FANCC: variants seen among roughly 807,000 people sequenced by gnomAD.
The protein encoded by FANCC is FA complementation group C, also known as Fanconi anemia group C protein.
In FANCC, 55 loss-of-function variants were observed where a neutral mutation model predicts 71.3. The ratio of observed to expected loss-of-function variants is 0.77; its 90% CI spans 0.62 to 0.97. The LOEUF is 0.97. Ranked by LOEUF, FANCC falls within the 50% of genes least tolerant of loss-of-function variation. The probability of loss-of-function intolerance (pLI) is 0.00; values close to 1 mark genes in which losing one functional copy is unlikely to be tolerated. For synonymous variants in FANCC, 275 were observed against 244.9 expected, an observed-to-expected ratio of 1.12 and a Z score of -1.15; for missense variants, 678 against 670.9, an observed-to-expected ratio of 1.01 and a Z score of -0.12.
intron 1 of FANCC, among the ~76,000 whole-genome samples, chr9:95,257,561 T>C (rs1171516201): frequency 1.3e-5 from 2 of 152,208 alleles, no homozygotes; most frequent in African/African-American, 2.4e-5. Context: ...TAGCACTAAA[T>C]GCCCACAAGA....
rs2071012739 is a variant in FANCC, at chr9:95,099,564, G to A, written c.*2143C>T. 2 of 231,034 alleles carry A rather than the reference G, an allele frequency of 8.7e-6. No homozygotes were observed. Among genetic ancestry groups the A allele is most frequent in the South Asian group, 3.7e-4 (2 of 5,456 alleles). The allele number at this position is 231,034 out of a possible 1,614,324, so 14.3% of individuals were successfully genotyped here. On this transcript the variant is annotated 3_prime_UTR_variant, in exon 15 of 15. Coordinates refer to ENST00000289081, the MANE Select transcript of FANCC (RefSeq NM_000136.3). Reference sequence around the variant, plus strand: ...TGCCCGGCCGCCACCTGTCTTGGAGGTGGAGGGAATGGCCGAGGGGTGGCT... The same window carrying A: ...TGCCCGGCCGCCACCTGTCTTGGAGATGGAGGGAATGGCCGAGGGGTGGCT...
chr9:95,141,034 GCA>G (rs1187339845), intron 7 of FANCC, among the ~76,000 whole-genome samples: 1 of 152,084 alleles, frequency 6.6e-6, no homozygotes, highest in African/African-American at 2.4e-5. Flanking sequence ...ATGTGGCTGG[GCA>G]CAGTGTCTCA....
Position 95,268,926 on chromosome 9 carries a change from G to T in FANCC, c.-78-19557C>A, listed in dbSNP as rs528033119. On this transcript the variant is annotated intron_variant, in intron 1 of 14. Coordinates refer to ENST00000289081, the MANE Select transcript of FANCC (RefSeq NM_000136.3). ...GTGCTCTCAGAACCTCTCCAAAGCC[G>T]ATGCTATGCTATAGCACAAGAGCAC... Among the ~76,000 whole-genome samples, 17 of 152,278 alleles carry T rather than the reference G, an allele frequency of 1.1e-4. No homozygotes were observed. In the East Asian group the frequency reaches 3.3e-3, roughly 29 times the overall value.
intron 4 of FANCC, among the ~76,000 whole-genome samples, chr9:95,226,939 G>C (rs1438205789): frequency 1.3e-5 from 2 of 152,158 alleles, no homozygotes; most frequent in Admixed American, 6.5e-5. Flanking sequence ...GCACAGGAAA[G>C]CTCTGAGGGG....
At chr9:95,293,778 A>G in intron 1 of FANCC, 1 of 1,613,962 alleles carries the variant, frequency 6.2e-7, no homozygotes. Context: ...TGATGCATTT[A>G]TGGACACCTG....
At chr9:95,119,653 C>T (rs976047101) in intron 10 of FANCC, among the ~76,000 whole-genome samples, 4 of 152,010 alleles carry the variant, frequency 2.6e-5, no homozygotes, top group South Asian at 2.1e-4. Flanking sequence ...CATGAGCCAC[C>T]GTGCCTGGCC....
rs730881731 is a variant in FANCC, at chr9:95,240,675, G to T, written c.319C>A (p.Gln107Lys). The change falls in exon 4 of 15, where the codon CAA (glutamine) becomes AAA (lysine). Residue 107 changes from glutamine (Q) to lysine (K), a missense_variant. Coordinates refer to ENST00000289081, the MANE Select transcript of FANCC (RefSeq NM_000136.3). Reference sequence around the variant, plus strand: ...TGTATCCAGGAGTTAAGTTTTGATTGTCCAGAATTCTGTGGTTCTTTGTTA... The same window carrying T: ...TGTATCCAGGAGTTAAGTTTTGATTTTCCAGAATTCTGTGGTTCTTTGTTA... ...LINKEPQNSG[Q>K]SKLNSWIQGV... The T allele has an allele frequency of 6.2e-7, 1 of 1,612,710 alleles. No individual in the cohort carries two copies. The highest frequency in any genetic ancestry group is 8.5e-7 in the Non-Finnish European group (1 of 1,178,962).
intron 10 of FANCC, among the ~76,000 whole-genome samples, chr9:95,118,712 A>G (rs1261681402): frequency 1.3e-5 from 2 of 152,218 alleles, no homozygotes; most frequent in Non-Finnish European, 2.9e-5. Context: ...ATATTTTCTT[A>G]AAGATTAAGC....
At position 95,134,538 on chromosome 9, in the gene FANCC, C is replaced by T. The variant is rs4647508; in HGVS notation, c.843+808G>A. 3.3e-3 allele frequency among the ~76,000 whole-genome samples: 504 copies of T among 152,254 alleles called. 9 individuals are homozygous for T. The East Asian group carries it at 0.043, about 13-fold the overall frequency. On this transcript the variant is annotated intron_variant, in intron 8 of 14. Transcript: ENST00000289081. ...CTCTGTGCCACATCCCTGCAGATTA[C>T]GAAAGCTAAAGGGAAAAAGGGCAGA...
intron 1 of FANCC, chr9:95,293,192 A>G: frequency 1.9e-6 from 3 of 1,612,040 alleles, no homozygotes; most frequent in Non-Finnish European, 2.5e-6. Context: ...CTTTCTTACA[A>G]CATCACCGAG....
At chr9:95,310,901 CACAAAG>C (rs923354622) in intron 1 of FANCC, among the ~76,000 whole-genome samples, 1 of 152,132 alleles carries the variant, frequency 6.6e-6, no homozygotes, top group African/African-American at 2.4e-5. Context: ...AACTGCAGTG[CACAAAG>C]ACAGAGGAAA....
intron 8 of FANCC, among the ~76,000 whole-genome samples, chr9:95,129,416 G>A (rs375680388): frequency 9.9e-5 from 15 of 152,080 alleles, no homozygotes; most frequent in African/African-American, 2.4e-4. Context: ...TTTGGAAGCC[G>A]TATCTTCCCC....
intron 3 of FANCC, among the ~76,000 whole-genome samples, chr9:95,247,212 C>CGTGTGTGT (rs3030679): frequency 1.1e-4 from 17 of 149,536 alleles, no homozygotes; most frequent in East Asian, 5.9e-4. Context: ...TGCGTGCACG[C>CGTGTGTGT]GTGTGTGTGT....
intron 10 of FANCC, among the ~76,000 whole-genome samples, chr9:95,120,164 A>G (rs2072758184): frequency 6.6e-6 from 1 of 152,246 alleles, no homozygotes. Flanking sequence ...GTTGAAGCCC[A>G]TGATCCTCTC....
chr9:95,253,946 G>T (rs1416526646), intron 1 of FANCC, among the ~76,000 whole-genome samples: 1 of 152,206 alleles, frequency 6.6e-6, no homozygotes, highest in African/African-American at 2.4e-5. Context: ...AGAATCTAAT[G>T]CCGCCACTGA....
chr9:95,307,248 G>C (rs1463095356), intron 1 of FANCC, among the ~76,000 whole-genome samples: 1 of 151,906 alleles, frequency 6.6e-6, no homozygotes, highest in African/African-American at 2.4e-5. Context: ...TAATCTATAT[G>C]GAAATAATTT....
chr9:95,240,583 T>A (rs1380929095), intron 4 of FANCC, 66 bp downstream of exon 4: 1 of 1,293,422 alleles, frequency 7.7e-7, no homozygotes, highest in Non-Finnish European at 1.1e-6. Context: ...CCAAAATTTT[T>A]TTAAGCAGCA....
At chr9:95,170,454 G>A (rs1315582112) in intron 6 of FANCC, among the ~76,000 whole-genome samples, 2 of 150,936 alleles carry the variant, frequency 1.3e-5, no homozygotes, top group Non-Finnish European at 2.9e-5. Context: ...TTAATGATAT[G>A]TCAAAAATGA....
chr9:95,193,543 C>G (rs1002393039), intron 4 of FANCC, among the ~76,000 whole-genome samples: 2 of 152,070 alleles, frequency 1.3e-5, no homozygotes, highest in African/African-American at 4.8e-5. Context: ...GAGGGGAGCA[C>G]TAAAAATGTC....
Sources: gnomAD v4.1 joint callset for allele counts (sites outside exome capture counted in the v4.1 genomes callset) on GRCh38, gnomAD v4.1.1 for gene constraint, MANE v1.5 for transcripts, NCBI Gene and HGNC (gene_info 2026-07-23, HGNC 2026-07-21) for gene names.